DST: variants seen among roughly 807,000 people sequenced by gnomAD.
DST encodes bullous pemphigoid antigen.
Under a neutral mutation model 875.2 loss-of-function variants are expected in DST, and 253 were observed. The ratio of observed to expected loss-of-function variants is 0.29; its 90% CI spans 0.26 to 0.32. The LOEUF (loss-of-function observed/expected upper bound fraction) is 0.32, where lower values mean the gene tolerates loss of function less well. Among genes scored for constraint, DST ranks in the 10% least tolerant of loss-of-function variants. The pLI is 1.00. For synonymous variants in DST, 3,124 were observed against 3,197.1 expected, an observed-to-expected ratio of 0.98 and a Z score of 0.77; for missense variants, 8,287 against 9,111.6, an observed-to-expected ratio of 0.91 and a Z score of 3.68.
At chr6:56,488,137 AT>A (rs1285903963) in intron 86 of DST, among the ~76,000 whole-genome samples, 1 of 152,024 alleles carries the variant, frequency 6.6e-6, no homozygotes, top group African/African-American at 2.4e-5. Context: ...TTATCCATAA[AT>A]TTTTTTTCAT....
In DST at chr6:56,592,492, T is replaced by C. The variant is rs1444862600; in HGVS notation, c.12727-134A>G. 4 of 773,238 alleles carry C rather than the reference T, an allele frequency of 5.2e-6. No homozygotes were observed. In the African/African-American group the frequency reaches 5.3e-5, roughly 10 times the overall value. 47.9% of individuals were successfully genotyped at this position (773,238 alleles called of 1,614,324 possible). A position where few individuals can be genotyped will look rare whatever the true frequency, so the allele number is the denominator to read the frequency against. On this transcript the variant is annotated intron_variant, in intron 48 of 103. Coordinates refer to ENST00000680361, the MANE Select transcript of DST (RefSeq NM_001374736.1). Reference sequence around the variant, plus strand: ...TCCACCAAAGTTAATAAAAACTCTGTTGGGCTAAGATTTCCTCCTTTATAT... The same window carrying C: ...TCCACCAAAGTTAATAAAAACTCTGCTGGGCTAAGATTTCCTCCTTTATAT...
chr6:56,834,045 T>C (rs947735415), intron 4 of DST, among the ~76,000 whole-genome samples: 6 of 151,926 alleles, frequency 3.9e-5, no homozygotes, highest in Non-Finnish European at 5.9e-5. Context: ...CTGGGCAACA[T>C]AGCAAGACCC....
At chr6:56,635,785 A>T (rs924483074) in intron 23 of DST, 71 bp from the exon 24 acceptor site, 56 of 1,531,880 alleles carry the variant, frequency 3.7e-5, no homozygotes, top group Non-Finnish European at 4.8e-5. Flanking sequence ...TCACACTCCA[A>T]TACCAAGGTC....
intron 27 of DST, among the ~76,000 whole-genome samples, chr6:56,633,608 C>G (rs146083664): frequency 0.051 from 7,805 of 151,888 alleles, 315 homozygotes; most frequent in Non-Finnish European, 0.08. Context: ...CCAAGCAATT[C>G]TCCTGCCTCA....
At chr6:56,891,957 C>T (rs1320981832) in intron 3 of DST, among the ~76,000 whole-genome samples, 3 of 152,184 alleles carry the variant, frequency 2.0e-5, no homozygotes, top group Non-Finnish European at 2.9e-5. Flanking sequence ...TCAGATTCCC[C>T]ACCAGCAGTC....
Position 56,640,147 on chromosome 6 carries a change from A to C in DST, c.2486T>G (p.Met829Arg). 6.2e-7 allele frequency: 1 copy of C among 1,613,850 alleles called. No individual in the cohort carries two copies. The highest frequency in any genetic ancestry group is 2.2e-5 in the East Asian group (1 of 44,886). Residue 829 changes from methionine to arginine, a missense_variant, in exon 18 of 104, where the codon ATG becomes AGG. Physicochemically the swap from Met to Arg is moderately conservative, Grantham distance 91. Coordinates refer to ENST00000680361, the MANE Select transcript of DST (RefSeq NM_001374736.1). ...GTAAAGTAAACATTTTTTTACCTGC[A>C]TCTCATCAACCCAATTCAAAAGATC... is the stretch of plus-strand genomic sequence containing the variant. ...VQDLLNWVDE[M>R]QVQLDRTEWG...
intron 53 of DST, among the ~76,000 whole-genome samples, chr6:56,571,056 G>A (rs2097773187): frequency 6.6e-6 from 1 of 152,162 alleles, no homozygotes; most frequent in Non-Finnish European, 1.5e-5. Flanking sequence ...ATTTTCATGT[G>A]TGCCTCCCCT....
intron 60 of DST, among the ~76,000 whole-genome samples, chr6:56,554,073 CTTTTTTTT>C (rs555704557): frequency 7.4e-5 from 6 of 80,822 alleles, no homozygotes; most frequent in East Asian, 3.0e-4. Context: ...GCGTCTATGA[CTTTTTTTT>C]TTTTTTTTTT....
intron 32 of DST, 127 bp downstream of exon 32, chr6:56,629,123 G>T: frequency 1.1e-6 from 1 of 879,462 alleles, no homozygotes. Flanking sequence ...ATATGGCTAA[G>T]TAGAGGTATT....
chr6:56,708,367 G>C (rs553881708), intron 5 of DST, among the ~76,000 whole-genome samples: 35 of 151,868 alleles, frequency 2.3e-4, no homozygotes, highest in Middle Eastern at 6.8e-3. Context: ...TAAGACTTAT[G>C]GCTTAATTTT....
intron 2 of DST, among the ~76,000 whole-genome samples, chr6:56,923,983 G>A (rs1316314609): frequency 6.6e-6 from 1 of 152,122 alleles, no homozygotes; most frequent in African/African-American, 2.4e-5. Context: ...AATTCACAGG[G>A]TATGGTGGTA....
At chr6:56,617,205 T>C (rs760068559) in intron 36 of DST, 2 of 1,597,034 alleles carry the variant, frequency 1.3e-6, no homozygotes, top group South Asian at 1.1e-5. Context: ...CCTTGGAATT[T>C]AAATTCATCA....
intron 54 of DST, among the ~76,000 whole-genome samples, chr6:56,568,968 T>C (rs2097727993): frequency 1.3e-5 from 2 of 151,986 alleles, no homozygotes; most frequent in East Asian, 1.9e-4. Context: ...TAAAAATAAA[T>C]AGGAATTCAG....
chr6:56,604,048 T>A lies in DST; in HGVS notation c.10580A>T (p.His3527Leu). The change falls in exon 40 of 104, where the codon CAT becomes CTT. Residue 3527 changes from histidine to leucine, a missense_variant. By Grantham distance (99) the His-to-Leu change is moderately conservative. Around this residue, in one of 10 missense-constraint regions of DST, gnomAD observed 3,138 missense variants for 3,116.6 expected, o/e 1.01. Coordinates refer to ENST00000680361, the MANE Select transcript of DST (RefSeq NM_001374736.1). ...STSEMMEEKP[H>L]ILGDIKSKEG... is the part of the protein sequence containing the mutation. ...TTTGCTTTTAATATCACCAAGAATA[T>A]GTGGCTTTTCTTCCATCATCTCAGA... 1 of 1,588,064 alleles carries A rather than the reference T, an allele frequency of 6.3e-7. No homozygotes were observed. The highest frequency in any genetic ancestry group is 8.6e-7 in the Non-Finnish European group (1 of 1,165,060).
At chr6:56,865,289 GT>G (rs1773423386) in intron 3 of DST, among the ~76,000 whole-genome samples, 1 of 151,318 alleles carries the variant, frequency 6.6e-6, no homozygotes, top group African/African-American at 2.4e-5. Flanking sequence ...GTGTGTGTGT[GT>G]GTGTGTCTGT....
Position 56,881,414 on chromosome 6 carries a change from A to G in DST, c.417+19007T>C, listed in dbSNP as rs1003395145. ...CTTGAACCCGGGAGACAGAGGTTGC[A>G]GTGAGCCAAGACCATGCCATTACAC... is the stretch of plus-strand genomic sequence containing the variant. On this transcript the variant is annotated intron_variant, in intron 3 of 103. Transcript: ENST00000680361. Among the ~76,000 whole-genome samples the G allele has an allele frequency of 4.6e-4, 70 of 152,266 alleles. 1 individual carries two copies. The highest frequency in any genetic ancestry group is 5.9e-5 in the Non-Finnish European group (4 of 68,024).
chr6:56,802,575 G>C (rs936017404), intron 4 of DST, among the ~76,000 whole-genome samples: 4 of 151,918 alleles, frequency 2.6e-5, no homozygotes, highest in African/African-American at 9.7e-5. Flanking sequence ...ACTCTAACAG[G>C]ACATTAAGAC....
intron 4 of DST, among the ~76,000 whole-genome samples, chr6:56,821,085 C>T (rs1382801196): frequency 6.6e-6 from 1 of 152,340 alleles, no homozygotes; most frequent in East Asian, 1.9e-4. Context: ...GCCAAACTGT[C>T]ATCAGATACA....
chr6:56,642,472 C>T lies in DST; in HGVS notation c.1810G>A (p.Val604Ile). Reference sequence around the variant, plus strand: ...TCACAGATGACACTGTCCCTCTGAACTCTGTTGGCAATCTGTTGCAACATT... The same window carrying T: ...TCACAGATGACACTGTCCCTCTGAATTCTGTTGGCAATCTGTTGCAACATT... ...LEMLQQIANR[V>I]QRDSVICEDK... Residue 604 changes from valine (V) to isoleucine (I), a missense_variant, in exon 16 of 104, where the codon GTT (valine) becomes ATT (isoleucine). This residue lies in a region of DST where 1,160 missense variants were observed against 1,424.3 expected (regional missense o/e 0.81). Coordinates refer to ENST00000680361, the MANE Select transcript of DST (RefSeq NM_001374736.1). The T allele has an allele frequency of 6.2e-7, 1 of 1,613,796 alleles. No individual in the cohort carries two copies.
Sources: gnomAD v4.1 joint callset for allele counts (sites outside exome capture counted in the v4.1 genomes callset) on GRCh38, gnomAD v4.1.1 for gene constraint, gnomAD v4.1.1 regional missense constraint, MANE v1.5 for transcripts, NCBI Gene and HGNC (gene_info 2026-07-23, HGNC 2026-07-21) for gene names.